The following SLC13A3 variants were observed in gnomAD, a reference collection of about 807,000 sequenced individuals.
SLC13A3 encodes the protein Na(+)/dicarboxylate cotransporter 3.
SLC13A3 carries 40 observed loss-of-function variants against 59.0 expected under a neutral mutation model. The observed-to-expected ratio is 0.68, with a 90% confidence interval of 0.53 to 0.88. The LOEUF is 0.88. SLC13A3 is among the 40% of genes least tolerant of loss of function. The pLI, the probability that SLC13A3 is intolerant of heterozygous loss-of-function variation, is 0.00. For synonymous variants in SLC13A3, 317 were observed against 330.3 expected (o/e 0.96, Z 0.44); for missense variants, 699 against 783.2 (o/e 0.89, Z 1.28).
At chr20:46,574,431 G>C (rs2062054774) in intron 10 of SLC13A3, among the ~76,000 whole-genome samples, 1 of 152,210 alleles carries the variant, frequency 6.6e-6, no homozygotes, top group Non-Finnish European at 1.5e-5. Context: ...GCTGGATGCT[G>C]ACGTTGCACT....
chr20:46,621,410 T>C (rs1004239732), intron 1 of SLC13A3, among the ~76,000 whole-genome samples: 8 of 152,254 alleles, frequency 5.3e-5, no homozygotes, highest in Non-Finnish European at 1.0e-4. Context: ...GGCATTGACA[T>C]GATTAAGTTC....
intron 1 of SLC13A3, among the ~76,000 whole-genome samples, chr20:46,634,661 C>T (rs761718128): frequency 6.6e-6 from 1 of 152,180 alleles, no homozygotes; most frequent in Non-Finnish European, 1.5e-5. Flanking sequence ...CTGCCCAGGC[C>T]TCACTAATCA....
chr20:46,670,361 G>C (rs1442829432), upstream of SLC13A3, among the ~76,000 whole-genome samples: 1 of 152,146 alleles, frequency 6.6e-6, no homozygotes, highest in African/African-American at 2.4e-5. Flanking sequence ...GAAGTGTAAG[G>C]GATGTATTGG....
intron 1 of SLC13A3, among the ~76,000 whole-genome samples, chr20:46,615,277 T>G (rs1364557544): frequency 6.6e-6 from 1 of 152,196 alleles, no homozygotes; most frequent in African/African-American, 2.4e-5. Flanking sequence ...TCTTACTTTA[T>G]AGTAAGTTTT....
intron 10 of SLC13A3, among the ~76,000 whole-genome samples, chr20:46,568,876 A>G (rs1204916845): frequency 1.3e-5 from 2 of 152,254 alleles, no homozygotes; most frequent in African/African-American, 4.8e-5. Flanking sequence ...GCCTTGGCAC[A>G]GCTCCAGCGC....
intron 4 of SLC13A3, among the ~76,000 whole-genome samples, chr20:46,597,805 A>C (rs1026486032): frequency 6.6e-6 from 1 of 152,302 alleles, no homozygotes; most frequent in African/African-American, 2.4e-5. Context: ...GTTATAATCT[A>C]CCTCTGGAAG....
At chr20:46,569,180 C>A (rs778056851) in intron 10 of SLC13A3, among the ~76,000 whole-genome samples, 8 of 151,954 alleles carry the variant, frequency 5.3e-5, no homozygotes, top group Non-Finnish European at 7.4e-5. Context: ...TTTGTAGAGA[C>A]AGGGTCTTAC....
At chr20:46,597,593 T>A (rs551647843) in intron 4 of SLC13A3, among the ~76,000 whole-genome samples, 1 of 152,136 alleles carries the variant, frequency 6.6e-6, no homozygotes, top group Non-Finnish European at 1.5e-5. Flanking sequence ...CCCACCACCA[T>A]GCCCAGCTAA....
At chr20:46,679,830 C>A (rs535173629) in intron 1 of SLC13A3, among the ~76,000 whole-genome samples, 1 of 151,976 alleles carries the variant, frequency 6.6e-6, no homozygotes, top group African/African-American at 2.4e-5. Context: ...ATTGCTTGAA[C>A]CTGGGAGGTG....
At chr20:46,662,613 C>T (rs1035600367) in intron 1 of SLC13A3, among the ~76,000 whole-genome samples, 1 of 152,216 alleles carries the variant, frequency 6.6e-6, no homozygotes, top group African/African-American at 2.4e-5. Context: ...AAGCACACTG[C>T]TCAAACACTC....
rs2062483828 is a variant in SLC13A3, at chr20:46,610,533, G to T, written c.454C>A (p.Leu152Ile). The change falls in exon 3 of 13, where the codon CTT becomes ATT. Residue 152 changes from leucine (L) to isoleucine (I), a missense_variant. Coordinates refer to ENST00000279027, the MANE Select transcript of SLC13A3 (RefSeq NM_022829.6). ...TTCAGGATGGCATTGGCAATGGGAA[G>T]CATCATGGCAGTGGAGGCGGTGTTG... ...LSNTASTAMM[L>I]PIANAILKSL... is the part of the protein sequence containing the mutation. 2 of 1,613,996 alleles carry T rather than the reference G, an allele frequency of 1.2e-6. No homozygotes were observed.
At chr20:46,576,434 A>G (rs2062077167) in intron 9 of SLC13A3, among the ~76,000 whole-genome samples, 1 of 152,160 alleles carries the variant, frequency 6.6e-6, no homozygotes, top group African/African-American at 2.4e-5. Flanking sequence ...TGCCCTTGAC[A>G]AGTGACTTTG....
chr20:46,581,875 CT>C (rs1184663224), intron 9 of SLC13A3, among the ~76,000 whole-genome samples: 1 of 152,164 alleles, frequency 6.6e-6, no homozygotes, highest in Non-Finnish European at 1.5e-5. Flanking sequence ...GGAAGACTGA[CT>C]GGAAAAGAAG....
intron 4 of SLC13A3, among the ~76,000 whole-genome samples, chr20:46,599,730 C>A (rs2062420090): frequency 6.6e-6 from 1 of 152,140 alleles, no homozygotes. Flanking sequence ...TGATCCTCAA[C>A]CTCACCAGAT....
intron 1 of SLC13A3, among the ~76,000 whole-genome samples, chr20:46,650,907 A>C (rs2062945634): frequency 6.6e-6 from 1 of 152,106 alleles, no homozygotes; most frequent in Admixed American, 6.5e-5. Context: ...TCTATTAAAA[A>C]AAAATTAGCT....
At chr20:46,576,729 G>A (rs1476987401) in intron 9 of SLC13A3, among the ~76,000 whole-genome samples, 1 of 152,166 alleles carries the variant, frequency 6.6e-6, no homozygotes, top group African/African-American at 2.4e-5. Context: ...GAAGCAGGGA[G>A]GATGGGTCTG....
chr20:46,619,309 G>A (rs1172282417), intron 1 of SLC13A3, among the ~76,000 whole-genome samples: 3 of 152,196 alleles, frequency 2.0e-5, no homozygotes, highest in African/African-American at 7.2e-5. Context: ...AAACCCAGTT[G>A]AGAGAGGTCC....
At chr20:46,628,335 T>C (rs2062698719) in intron 1 of SLC13A3, among the ~76,000 whole-genome samples, 1 of 152,208 alleles carries the variant, frequency 6.6e-6, no homozygotes, top group African/African-American at 2.4e-5. Flanking sequence ...AGGGAGAATC[T>C]TGCTGAGCGG....
upstream of SLC13A3, among the ~76,000 whole-genome samples, chr20:46,674,602 C>CGTGTGT (rs142752461): frequency 0.22 from 25,224 of 113,070 alleles, 2,223 homozygotes; most frequent in Non-Finnish European, 0.26. Context: ...CGCGCGCGCG[C>CGTGTGT]GCGTGTGTGT....
Sources: allele counts gnomAD v4.1 joint callset (sites outside exome capture counted in the v4.1 genomes callset), GRCh38; gene constraint gnomAD v4.1.1; transcripts MANE v1.5; gene names NCBI Gene and HGNC (gene_info 2026-07-23, HGNC 2026-07-21).